Variants in ST3GAL4 observed in about 807,000 individuals in gnomAD.
ST3GAL4 encodes the protein ST3 beta-galactoside alpha-2,3-sialyltransferase 4, also known as CMP-N-acetylneuraminate-beta-galactosamide-alpha-2,3-sialyltransferase 4.
In ST3GAL4, 24 loss-of-function variants were observed where a neutral mutation model predicts 42.6. The ratio of observed to expected loss-of-function variants is 0.56; its 90% confidence interval spans 0.41 to 0.79. ST3GAL4 has a LOEUF of 0.79. Ranked by LOEUF, ST3GAL4 falls within the 30% of genes least tolerant of loss-of-function variation. The pLI is 0.00. For missense variants in ST3GAL4, 311 were observed against 430.8 expected, an observed-to-expected ratio of 0.72 and a Z score of 2.46; for synonymous variants, 135 against 163.2, an observed-to-expected ratio of 0.83 and a Z score of 1.32.
chr11:126,394,652 T>C (rs966456409), intron 1 of ST3GAL4, among the ~76,000 whole-genome samples: 6 of 152,148 alleles, frequency 3.9e-5, no homozygotes, highest in Non-Finnish European at 8.8e-5. Flanking sequence ...CTTGAACTCC[T>C]GAGCTCAAGC....
At position 126,379,413 on chromosome 11, in the gene ST3GAL4, A is replaced by G. The variant is rs1026574792; in HGVS notation, c.-61+23571A>G. Among the ~76,000 whole-genome samples the G allele has an allele frequency of 4.6e-5, 7 of 152,118 alleles. No individual in the cohort carries two copies. Among genetic ancestry groups the G allele is most frequent in the African/African-American group, 1.7e-4 (7 of 41,450 alleles). ...TCATTGTCTTGGGAAAGCTGTGTCT[A>G]TTTCATGATATCATCTACTTTTATG... On this transcript the variant is annotated intron_variant, in intron 1 of 10. Transcript: ENST00000444328. This position sits in a 1 kb window ranked among gnomAD's most constrained non-coding sequence, Gnocchi z 4.2.
In ST3GAL4 at chr11:126,383,658, G is replaced by A. The variant is rs1953099797; in HGVS notation, c.-60-22438G>A. Reference sequence around the variant, plus strand: ...GTGTGTTTGTGCTGGAGGAGCCTGTGTAGGTTACTGACATGGGAGGGCCGG... The same window carrying A: ...GTGTGTTTGTGCTGGAGGAGCCTGTATAGGTTACTGACATGGGAGGGCCGG... On this transcript the variant is annotated intron_variant, in intron 1 of 10. Coordinates refer to ENST00000444328, the MANE Select transcript of ST3GAL4 (RefSeq NM_001254757.2). This position sits in a 1 kb window ranked among gnomAD's most constrained non-coding sequence, Gnocchi z 4.5. Among the ~76,000 whole-genome samples, 1 of 152,198 alleles carries A rather than the reference G, an allele frequency of 6.6e-6. No individual in the cohort carries two copies. Among genetic ancestry groups the A allele is most frequent in the South Asian group, 2.1e-4 (1 of 4,834 alleles).
rs766481352 is a variant in ST3GAL4 at position 126,409,250 on chromosome 11, C to A, written c.628-18C>A. The A allele has an allele frequency of 2.5e-6, 4 of 1,613,618 alleles. No homozygotes were observed. In the East Asian group the frequency reaches 8.9e-5, roughly 36 times the overall value. Reference sequence around the variant, plus strand: ...CTTCACCCGCTTCTGTCTCTCTCTTCTGACCCCATCCTCCTAGGTGCGAAA... The same window carrying A: ...CTTCACCCGCTTCTGTCTCTCTCTTATGACCCCATCCTCCTAGGTGCGAAA... On this transcript the variant is annotated intron_variant, in intron 8 of 10. Transcript: ENST00000444328. The surrounding 1 kb of genome is among the most constrained non-coding windows in gnomAD (Gnocchi z 4.9).
chr11:126,413,990 C>T lies in ST3GAL4; in HGVS notation c.945C>T (p.Ala315=), dbSNP rs1379455915. 3.1e-6 allele frequency: 5 copies of T among 1,614,132 alleles called. No individual in the cohort carries two copies. The African/African-American group carries it at 4.0e-5, about 13-fold the overall frequency. The part of the protein sequence containing the change: ...AGSGHNVSQE[A]LAIKRMLEMG... Reference sequence around the variant, plus strand: ...CAGGCCATAATGTCTCCCAAGAGGCCCTGGCCATTAAGCGGATGCTGGAGA... The same window carrying T: ...CAGGCCATAATGTCTCCCAAGAGGCTCTGGCCATTAAGCGGATGCTGGAGA... Residue 315 remains alanine, a synonymous_variant, in exon 11 of 11, where the codon GCC becomes GCT. Transcript: ENST00000444328.
rs200739142 is a variant in ST3GAL4 at position 126,408,063 on chromosome 11, G to T, written c.342-36G>T. 6.8e-6 allele frequency: 11 copies of T among 1,606,390 alleles called. No individual in the cohort carries two copies. In the Admixed American group the frequency reaches 1.8e-4, roughly 27 times the overall value. ...CAGGGCAGCGAGCCTGGGTTAGAGTGTGGGGTGACATAGACCACTCCTCTT... is the reference window on the plus strand; with the variant it reads ...CAGGGCAGCGAGCCTGGGTTAGAGTTTGGGGTGACATAGACCACTCCTCTT... On this transcript the variant is annotated intron_variant, in intron 6 of 10. Transcript: ENST00000444328.
rs1420548422 is a variant in ST3GAL4 at position 126,355,751 on chromosome 11, C to A, written c.-152C>A. 6.6e-6 allele frequency: 1 copy of A among 151,676 alleles called. No individual in the cohort carries two copies. Among genetic ancestry groups the A allele is most frequent in the African/African-American group, 2.4e-5 (1 of 41,390 alleles). The allele number at this position is 151,676 out of a possible 1,614,324, so 9.4% of individuals were successfully genotyped here. A position where few individuals can be genotyped will look rare whatever the true frequency, so the allele number is the denominator to read the frequency against. ...GGACAGGGACCCGGCCGAGTCGAGC[C>A]GTCGCGCCAGCGCTGCGCCGCCGGT... On this transcript the variant is annotated 5_prime_UTR_variant, in exon 1 of 11. Transcript: ENST00000444328. The surrounding 1 kb of genome is among the most constrained non-coding windows in gnomAD (Gnocchi z 7.1).
At position 126,378,213 on chromosome 11, in the gene ST3GAL4, G is replaced by A. The variant is rs776868768; in HGVS notation, c.-61+22371G>A. 1.3e-5 allele frequency among the ~76,000 whole-genome samples: 2 copies of A among 152,166 alleles called. No homozygotes were observed. The highest frequency in any genetic ancestry group is 2.9e-5 in the Non-Finnish European group (2 of 68,028). ...GTTGCTGCATAAAATGAATAATTCG[G>A]TGTTATCGATAGAAAGGGTCAAAGT... On this transcript the variant is annotated intron_variant, in intron 1 of 10. Transcript: ENST00000444328. The surrounding 1 kb of genome is among the most constrained non-coding windows in gnomAD (Gnocchi z 5.3).
intron 1 of ST3GAL4, among the ~76,000 whole-genome samples, chr11:126,387,038 C>T (rs1300274001): frequency 6.6e-6 from 1 of 152,176 alleles, no homozygotes; most frequent in East Asian, 1.9e-4. Flanking sequence ...TGGTGCTCTG[C>T]CACTGCTGTT....
In ST3GAL4 at chr11:126,407,232, C is replaced by T. The variant is rs377262894; in HGVS notation, c.183-20C>T. 1.1e-5 allele frequency: 17 copies of T among 1,612,872 alleles called. No individual in the cohort carries two copies. The highest frequency in any genetic ancestry group is 1.6e-4 in the Middle Eastern group (1 of 6,082). ...GATTAATTCTGTTCTCATCCCCACCCGGCTTTCACCTCTGTGCAGCTACTC... is the reference window on the plus strand; with the variant it reads ...GATTAATTCTGTTCTCATCCCCACCTGGCTTTCACCTCTGTGCAGCTACTC... On this transcript the variant is annotated intron_variant, in intron 4 of 10. Transcript: ENST00000444328.
intron 1 of ST3GAL4, among the ~76,000 whole-genome samples, chr11:126,381,158 C>T (rs1482225326): frequency 6.6e-6 from 1 of 152,204 alleles, no homozygotes; most frequent in African/African-American, 2.4e-5. Flanking sequence ...TGTGGCTTTG[C>T]TCGGCCTTAG....
intron 1 of ST3GAL4, among the ~76,000 whole-genome samples, chr11:126,390,856 C>A (rs1004125712): frequency 9.1e-6 from 1 of 109,586 alleles, no homozygotes; most frequent in South Asian, 2.9e-4. Flanking sequence ...TCCGCCTCCC[C>A]CCAGCCCTTG....
rs752380473 is a variant in ST3GAL4 at position 126,406,962 on chromosome 11, GAGA to G, written c.127_129del (p.Lys43del). On this transcript the variant is annotated inframe_deletion, in exon 4 of 11. Transcript: ENST00000444328. This position sits in a 1 kb window ranked among gnomAD's most constrained non-coding sequence, Gnocchi z 5.4. ...CTCCAGTTTTTATTTTCCCATCCCA[GAGA>G]AGAAGGAGCCGTGCCTCCAGGGTGA... is the stretch of plus-strand genomic sequence containing the variant. The G allele has an allele frequency of 3.4e-5, 55 of 1,614,010 alleles. No individual in the cohort carries two copies. Among genetic ancestry groups the G allele is most frequent in the Non-Finnish European group, 4.6e-5 (54 of 1,180,036 alleles).
Position 126,408,357 on chromosome 11 carries a change from C to T in ST3GAL4, c.488C>T (p.Thr163Ile). ...TATGAGGGTGACGTGGGCTCCAAGACCACCATGCGTCTCTTCTACCCTGAA... is the reference window on the plus strand; with the variant it reads ...TATGAGGGTGACGTGGGCTCCAAGATCACCATGCGTCTCTTCTACCCTGAA... ...AGYEGDVGSK[T>I]TMRLFYPESA... Residue 163 changes from threonine to isoleucine, a missense_variant, in exon 8 of 11, where the codon ACC (threonine) becomes ATC (isoleucine). Thr to Ile is a moderately conservative substitution (Grantham distance 89). Coordinates refer to ENST00000444328, the MANE Select transcript of ST3GAL4 (RefSeq NM_001254757.2). 3 of 1,614,200 alleles carry T rather than the reference C, an allele frequency of 1.9e-6. No individual in the cohort carries two copies. Among genetic ancestry groups the T allele is most frequent in the Non-Finnish European group, 2.5e-6 (3 of 1,180,038 alleles).
rs543569917 is a variant in ST3GAL4, at chr11:126,358,583, G to A, written c.-61+2741G>A. On this transcript the variant is annotated intron_variant, in intron 1 of 10. Coordinates refer to ENST00000444328, the MANE Select transcript of ST3GAL4 (RefSeq NM_001254757.2). ...TGTAGCTTCACGTGAGAGCAGCAGC[G>A]TGCGATGCCCAGGCCCTAGCCAAGT... The A allele has an allele frequency of 7.8e-5, 29 of 373,010 alleles. No individual in the cohort carries two copies. The East Asian group carries it at 2.1e-3, about 27-fold the overall frequency. The allele number at this position is 373,010 out of a possible 1,614,324, so 23.1% of individuals were successfully genotyped here. A position where few individuals can be genotyped will look rare whatever the true frequency, so the allele number is the denominator to read the frequency against.
intron 1 of ST3GAL4, among the ~76,000 whole-genome samples, chr11:126,402,093 GA>G (rs1471368176): frequency 6.3e-5 from 8 of 127,670 alleles, no homozygotes; most frequent in Admixed American, 2.3e-4. Context: ...TTGGGGGAAA[GA>G]GGGGAGGTAG....
intron 1 of ST3GAL4, among the ~76,000 whole-genome samples, chr11:126,374,125 G>C (rs1952749357): frequency 6.6e-6 from 1 of 151,936 alleles, no homozygotes. Flanking sequence ...GGTGTGTGGA[G>C]TTGTTGCTGG....
At position 126,378,018 on chromosome 11, in the gene ST3GAL4, G is replaced by A. The variant is rs977536345; in HGVS notation, c.-61+22176G>A. Among the ~76,000 whole-genome samples the A allele has an allele frequency of 4.6e-5, 7 of 152,108 alleles. No homozygotes were observed. Among genetic ancestry groups the A allele is most frequent in the Non-Finnish European group, 8.8e-5 (6 of 68,028 alleles). On this transcript the variant is annotated intron_variant, in intron 1 of 10. Coordinates refer to ENST00000444328, the MANE Select transcript of ST3GAL4 (RefSeq NM_001254757.2). The surrounding 1 kb of genome is among the most constrained non-coding windows in gnomAD (Gnocchi z 5.3). ...GAAGTATGAAATCCAGAACCCCTTC[G>A]TAAGACTGTGTCTGGGATATTATGA...
Position 126,384,072 on chromosome 11 carries a change from T to A in ST3GAL4, c.-60-22024T>A, listed in dbSNP as rs1188114965. On this transcript the variant is annotated intron_variant, in intron 1 of 10. Coordinates refer to ENST00000444328, the MANE Select transcript of ST3GAL4 (RefSeq NM_001254757.2). The surrounding 1 kb of genome is among the most constrained non-coding windows in gnomAD (Gnocchi z 5.5). ...TCCTCTGGCGAGCCTGCCTTGATAC[T>A]CCCCGGCTCAACCCCTTTAACCCTG... Among the ~76,000 whole-genome samples, 1 of 152,168 alleles carries A rather than the reference T, an allele frequency of 6.6e-6. No individual in the cohort carries two copies.
intron 1 of ST3GAL4, among the ~76,000 whole-genome samples, chr11:126,403,668 T>C (rs906077335): frequency 5.9e-5 from 9 of 152,180 alleles, no homozygotes; most frequent in African/African-American, 9.7e-5. Flanking sequence ...ACCCTGGTCA[T>C]GCAAGGAAGA....
Sources: allele counts gnomAD v4.1 joint callset (sites outside exome capture counted in the v4.1 genomes callset), GRCh38; gene constraint gnomAD v4.1.1; non-coding constraint Gnocchi (gnomAD v3.1); transcripts MANE v1.5; gene names NCBI Gene and HGNC (gene_info 2026-07-23, HGNC 2026-07-21).